FHL2: variants seen among roughly 807,000 people sequenced by gnomAD.
FHL2 encodes the protein four and a half LIM domains protein 2.
FHL2 carries 20 observed loss-of-function variants against 32.7 expected under a neutral mutation model. The ratio of observed to expected loss-of-function variants is 0.61; its 90% confidence interval spans 0.43 to 0.89. The LOEUF (loss-of-function observed/expected upper bound fraction) is 0.89. FHL2 is among the 40% of genes least tolerant of loss of function. FHL2 has a pLI of 0.00. For synonymous variants in FHL2, 123 were observed against 128.1 expected (o/e 0.96, Z 0.27); for missense variants, 311 against 358.6 (o/e 0.87, Z 1.07).
intron 1 of FHL2, among the ~76,000 whole-genome samples, chr2:105,408,992 G>A (rs1437603231): frequency 2.0e-5 from 3 of 152,192 alleles, no homozygotes; most frequent in Admixed American, 2.0e-4. Context: ...CCAGGTCATG[G>A]TGTCCTCTCT....
upstream of FHL2, among the ~76,000 whole-genome samples, chr2:105,400,748 C>G (rs1209739474): frequency 9.8e-6 from 1 of 102,000 alleles, no homozygotes; most frequent in Non-Finnish European, 2.0e-5. Flanking sequence ...TGCTTTTTTA[C>G]TGATAGAGTT....
At chr2:105,362,158 C>T (rs1680317839) in intron 6 of FHL2, among the ~76,000 whole-genome samples, 1 of 152,198 alleles carries the variant, frequency 6.6e-6, no homozygotes, top group Non-Finnish European at 1.5e-5. Context: ...ACAGAAGTTA[C>T]TGCTGAAAAC....
At chr2:105,402,484 G>A (rs1683506257), upstream of FHL2, among the ~76,000 whole-genome samples, 1 of 152,030 alleles carries the variant, frequency 6.6e-6, no homozygotes, top group African/African-American at 2.4e-5. Flanking sequence ...CTGATCTTGT[G>A]ATCCACCCAC....
chr2:105,397,008 CTG>C, intron 1 of FHL2: 1 of 86,942 alleles, frequency 1.2e-5, no homozygotes, highest in Non-Finnish European at 2.1e-5. Context: ...GATATCTAGT[CTG>C]TTTTTTTTTT....
chr2:105,415,449 T>C (rs920397519), intron 1 of FHL2, among the ~76,000 whole-genome samples: 14 of 152,392 alleles, frequency 9.2e-5, no homozygotes, highest in African/African-American at 3.4e-4. Flanking sequence ...TTGCACCGTG[T>C]GCATTGATTA....
At position 105,366,188 on chromosome 2, in the gene FHL2, C is replaced by T. The variant is rs561689955; in HGVS notation, c.501+1382G>A. On this transcript the variant is annotated intron_variant, in intron 5 of 6. Transcript: ENST00000530340. ...TCGAGCCACTGCACTCCAGCCTGGG[C>T]GACAGTGTGAGATTCTGTCTCAAAA... Among the ~76,000 whole-genome samples, 32 of 150,394 alleles carry T rather than the reference C, an allele frequency of 2.1e-4. No homozygotes were observed. The South Asian group carries it at 5.9e-3, about 28-fold the overall frequency.
intron 2 of FHL2, among the ~76,000 whole-genome samples, chr2:105,386,793 C>G (rs1165454842): frequency 1.6e-5 from 1 of 61,490 alleles, no homozygotes; most frequent in Admixed American, 2.4e-4. Context: ...GAGACAGAGT[C>G]TTGTTCTTTT....
intron 1 of FHL2, among the ~76,000 whole-genome samples, chr2:105,417,684 C>CAAAAAAAAAAA (rs11353319): frequency 6.7e-5 from 6 of 89,386 alleles, no homozygotes; most frequent in African/African-American, 1.3e-4. Flanking sequence ...ACTCCATCTC[C>CAAAAAAAAAAA]AAAAAAAAAA....
rs559775743 is a variant in FHL2, at chr2:105,386,302, A to C, written c.156+59T>G. ...GGATCAGGGCTTCAGCACAAACCAC[A>C]GAGAAACCCGTGTTTCCTAGGGGAG... is the stretch of plus-strand genomic sequence containing the variant. On this transcript the variant is annotated intron_variant, in intron 3 of 6. Coordinates refer to ENST00000530340, the MANE Select transcript of FHL2 (RefSeq NM_001318895.3). The C allele has an allele frequency of 1.8e-5, 28 of 1,582,262 alleles. No individual in the cohort carries two copies. The South Asian group carries it at 3.1e-4, about 17-fold the overall frequency.
At chr2:105,421,729 C>T (rs184904634) in intron 1 of FHL2, among the ~76,000 whole-genome samples, 2 of 152,266 alleles carry the variant, frequency 1.3e-5, no homozygotes, top group Admixed American at 1.3e-4. Context: ...CTTGCATTGA[C>T]CAAGAGAGGT....
At chr2:105,413,474 A>G (rs1683852375) in intron 1 of FHL2, among the ~76,000 whole-genome samples, 1 of 151,916 alleles carries the variant, frequency 6.6e-6, no homozygotes, top group African/African-American at 2.4e-5. Context: ...ATATCAGAAA[A>G]AAAAAACAGT....
intron 3 of FHL2, among the ~76,000 whole-genome samples, chr2:105,385,265 T>G (rs1050009558): frequency 2.0e-5 from 3 of 152,188 alleles, no homozygotes; most frequent in Non-Finnish European, 4.4e-5. Context: ...ACTAAATCCC[T>G]GGGAACAGAA....
At chr2:105,416,593 A>G (rs901562539) in intron 1 of FHL2, among the ~76,000 whole-genome samples, 2 of 152,236 alleles carry the variant, frequency 1.3e-5, no homozygotes, top group Non-Finnish European at 2.9e-5. Context: ...ATTAAAGCCC[A>G]TTTGGTCTAT....
chr2:105,393,530 G>A (rs902171298), intron 2 of FHL2, among the ~76,000 whole-genome samples: 9 of 152,204 alleles, frequency 5.9e-5, no homozygotes, highest in African/African-American at 2.2e-4. Context: ...CAATTGCCCC[G>A]TCTTCTACCA....
At chr2:105,395,602 G>A (rs1325846724) in intron 2 of FHL2, among the ~76,000 whole-genome samples, 1 of 152,184 alleles carries the variant, frequency 6.6e-6, no homozygotes, top group Non-Finnish European at 1.5e-5. Context: ...GTCCCGAGAG[G>A]CTTGCACAGT....
chr2:105,400,508 G>T (rs2104640352), upstream of FHL2, among the ~76,000 whole-genome samples: 1 of 152,202 alleles, frequency 6.6e-6, no homozygotes, highest in Non-Finnish European at 1.5e-5. Context: ...GTGTAGAAAA[G>T]GCTCCCAGCC....
intron 3 of FHL2, among the ~76,000 whole-genome samples, chr2:105,385,001 G>A (rs1682196580): frequency 6.6e-6 from 1 of 152,238 alleles, no homozygotes; most frequent in African/African-American, 2.4e-5. Flanking sequence ...ACACGCAGCA[G>A]GCAAGACAGG....
chr2:105,386,391 C>G lies in FHL2; in HGVS notation c.126G>C (p.Glu42Asp). Residue 42 changes from glutamate to aspartate, a missense_variant, in exon 3 of 7, where the codon GAG (glutamate) becomes GAC (aspartate). Physicochemically the swap from Glu to Asp is conservative, Grantham distance 45 (BLOSUM62 2). Transcript: ENST00000530340. ...FETLFANTCE[E>D]CGKPIGCDCK... Reference sequence around the variant, plus strand: ...AGTCACAGCCGATGGGCTTCCCACACTCCTCGCAGGTGTTGGCGAACAGGG... The same window carrying G: ...AGTCACAGCCGATGGGCTTCCCACAGTCCTCGCAGGTGTTGGCGAACAGGG... 2 of 1,614,172 alleles carry G rather than the reference C, an allele frequency of 1.2e-6. No homozygotes were observed. Among genetic ancestry groups the G allele is most frequent in the South Asian group, 2.2e-5 (2 of 91,076 alleles).
At position 105,363,312 on chromosome 2, in the gene FHL2, ACTT is replaced by A; in HGVS notation, c.658_660del (p.Lys220del). On this transcript the variant is annotated inframe_deletion, in exon 6 of 7. Transcript: ENST00000530340. ...CTGATGGGGTTGGTGCACCCAGCAC[ACTT>A]CTTGGCATACAAGTCACAGAAGCAG... The A allele has an allele frequency of 6.2e-7, 1 of 1,614,180 alleles. No homozygotes were observed. The highest frequency in any genetic ancestry group is 8.5e-7 in the Non-Finnish European group (1 of 1,180,026).
Sources: allele counts gnomAD v4.1 joint callset (sites outside exome capture counted in the v4.1 genomes callset), GRCh38; gene constraint gnomAD v4.1.1; transcripts MANE v1.5; gene names NCBI Gene and HGNC (gene_info 2026-07-23, HGNC 2026-07-21).